ZFTA: variants seen among roughly 807,000 people sequenced by gnomAD.
The protein encoded by ZFTA is zinc finger translocation-associated protein.
In ZFTA, 35 loss-of-function variants were observed where a neutral mutation model predicts 41.8. The ratio of observed to expected loss-of-function variants is 0.84; its 90% confidence interval spans 0.64 to 1.11. The LOEUF (loss-of-function observed/expected upper bound fraction) is 1.11. Ranked by LOEUF, ZFTA falls within the 50% of genes most tolerant of loss-of-function variation. ZFTA has a pLI of 0.00. For synonymous variants in ZFTA, 514 were observed against 436.4 expected (o/e 1.18, Z -2.22); for missense variants, 964 against 989.8 (o/e 0.97, Z 0.35).
intron 1 of ZFTA, among the ~76,000 whole-genome samples, chr11:63,768,087 A>AC (rs1353117843): frequency 1.3e-5 from 2 of 152,080 alleles, no homozygotes; most frequent in African/African-American, 2.4e-5. Context: ...CCCGAAGGGG[A>AC]CCCAGGGTCT....
Position 63,763,391 on chromosome 11 carries a change from G to GACCCT in ZFTA, c.*26_*27insAGGGT. On this transcript the variant is annotated 3_prime_UTR_variant, in exon 5 of 5. Transcript: ENST00000433688. Reference sequence around the variant, plus strand: ...GGGCGGGGCCGATCCGACCCGACCCGACCTGACCCGGGGGCCCGCTAGGCC... The same window carrying GACCCT: ...GGGCGGGGCCGATCCGACCCGACCCGACCCTACCTGACCCGGGGGCCCGCTAGGCC... 7.9e-7 allele frequency: 1 copy of GACCCT among 1,264,252 alleles called. No individual in the cohort carries two copies. The highest frequency in any genetic ancestry group is 1.0e-6 in the Non-Finnish European group (1 of 1,001,244). 78.3% of individuals were successfully genotyped at this position (1,264,252 alleles called of 1,614,324 possible).
Position 63,766,160 on chromosome 11 carries a change from C to T in ZFTA, c.284G>A (p.Arg95His), listed in dbSNP as rs1467117652. The T allele has an allele frequency of 8.6e-6, 13 of 1,516,400 alleles. No homozygotes were observed. The highest frequency in any genetic ancestry group is 1.1e-5 in the Non-Finnish European group (12 of 1,130,822). The allele number at this position is 1,516,400 out of a possible 1,614,324, so 93.9% of individuals were successfully genotyped here. ...GCGCCGGTGGTCACGGCCAGGGATG[C>T]GGCTCTTTCCAGGCCTCGAGGCCCG... is the stretch of plus-strand genomic sequence containing the variant. ...EARASRPGKS[R>H]IPGRDHRRYY... is the part of the protein sequence containing the mutation. Residue 95 changes from arginine (R) to histidine (H), a missense_variant, in exon 2 of 5, where the codon CGC becomes CAC. Coordinates refer to ENST00000433688, the MANE Select transcript of ZFTA (RefSeq NM_001144936.2).
rs1172011239 is a variant in ZFTA at position 63,762,869 on chromosome 11, C to G, written c.*549G>C. 6.6e-6 allele frequency: 1 copy of G among 152,130 alleles called. No individual in the cohort carries two copies. The highest frequency in any genetic ancestry group is 1.9e-4 in the East Asian group (1 of 5,158). The allele number at this position is 152,130 out of a possible 1,614,324, so 9.4% of individuals were successfully genotyped here. On this transcript the variant is annotated 3_prime_UTR_variant, in exon 5 of 5. Coordinates refer to ENST00000433688, the MANE Select transcript of ZFTA (RefSeq NM_001144936.2). Reference sequence around the variant, plus strand: ...TGCGGCCCAGCCTCCCGCTGGAAGCCCCAGTCCGCAGCCGGGGCCTCCGAG... The same window carrying G: ...TGCGGCCCAGCCTCCCGCTGGAAGCGCCAGTCCGCAGCCGGGGCCTCCGAG...
At position 63,763,379 on chromosome 11, in the gene ZFTA, C is replaced by G. The variant is rs1216219265; in HGVS notation, c.*39G>C. The stretch of plus-strand genomic sequence containing the variant: ...GAGCACAGGGCGGGGCGGGGCCGAT[C>G]CGACCCGACCCGACCTGACCCGGGG... On this transcript the variant is annotated 3_prime_UTR_variant, in exon 5 of 5. Coordinates refer to ENST00000433688, the MANE Select transcript of ZFTA (RefSeq NM_001144936.2). The G allele has an allele frequency of 8.2e-7, 1 of 1,217,448 alleles. No individual in the cohort carries two copies. The highest frequency in any genetic ancestry group is 1.6e-5 in the African/African-American group (1 of 61,140). The allele number at this position is 1,217,448 out of a possible 1,614,324, so 75.4% of individuals were successfully genotyped here. A position where few individuals can be genotyped will look rare whatever the true frequency, so the allele number is the denominator to read the frequency against.
rs552076149 is a variant in ZFTA at position 63,764,304 on chromosome 11, C to A, written c.1319G>T (p.Gly440Val). Residue 440 changes from glycine (G) to valine (V), a missense_variant, in exon 4 of 5, where the codon GGG (glycine) becomes GTG (valine). This residue lies in a region of ZFTA where 584 missense variants were observed against 523.1 expected (regional missense o/e 1.12). Coordinates refer to ENST00000433688, the MANE Select transcript of ZFTA (RefSeq NM_001144936.2). ...CGAGGCCAGCGCGCCCCCGCACACC[C>A]CGCACACCAGGCCGCGCCGGCCGCC... ...LDGGRRGLVC[G>V]VCGGALASLK... 2 of 1,422,204 alleles carry A rather than the reference C, an allele frequency of 1.4e-6. No homozygotes were observed. Among genetic ancestry groups the A allele is most frequent in the South Asian group, 1.4e-5 (1 of 72,072 alleles). The allele number at this position is 1,422,204 out of a possible 1,614,324, so 88.1% of individuals were successfully genotyped here.
At chr11:63,766,354 AAG>A in intron 1 of ZFTA, 50 bp from the exon 2 acceptor site, 1 of 1,410,252 alleles carries the variant, frequency 7.1e-7, no homozygotes, top group East Asian at 2.7e-5. Context: ...TTTCCAGGGA[AAG>A]AGGCGAGGGC....
In ZFTA at chr11:63,765,731, T is replaced by A; in HGVS notation, c.637+76A>T. ...TGCCTTGCTCAAGAACACCAGCTCC[T>A]TGGCAGAGCAGCTGGCCCACTGTGC... On this transcript the variant is annotated intron_variant, in intron 2 of 4. Transcript: ENST00000433688. The surrounding 1 kb of genome is among the most constrained non-coding windows in gnomAD (Gnocchi z 4.0). The A allele has an allele frequency of 1.4e-6, 2 of 1,426,022 alleles. No individual in the cohort carries two copies. Among genetic ancestry groups the A allele is most frequent in the South Asian group, 3.0e-5 (2 of 66,028 alleles). 88.3% of individuals were successfully genotyped at this position (1,426,022 alleles called of 1,614,324 possible).
Position 63,761,680 on chromosome 11 carries a change from G to T in ZFTA, c.*1738C>A, listed in dbSNP as rs975789096. 3 of 152,322 alleles carry T rather than the reference G, an allele frequency of 2.0e-5. No homozygotes were observed. Among genetic ancestry groups the T allele is most frequent in the Non-Finnish European group, 4.4e-5 (3 of 68,132 alleles). 9.4% of individuals were successfully genotyped at this position (152,322 alleles called of 1,614,324 possible). On this transcript the variant is annotated 3_prime_UTR_variant, in exon 5 of 5. Coordinates refer to ENST00000433688, the MANE Select transcript of ZFTA (RefSeq NM_001144936.2). ...CAATTTACCTATCTGTGAAGGTGAG[G>T]AGGGTAGTACTAGTGATCTCCAGGG...
chr11:63,767,001 CAG>C (rs2014756602), intron 1 of ZFTA, among the ~76,000 whole-genome samples: 1 of 152,238 alleles, frequency 6.6e-6, no homozygotes, highest in Admixed American at 6.5e-5. Flanking sequence ...GGAGGGCCAC[CAG>C]AGTGACAACT....
chr11:63,767,810 C>A (rs1565060033), intron 1 of ZFTA, among the ~76,000 whole-genome samples: 1 of 150,574 alleles, frequency 6.6e-6, no homozygotes, highest in Non-Finnish European at 1.5e-5. Flanking sequence ...CAAATTAGGG[C>A]AAAAAAAAAT....
chr11:63,768,631 C>A lies in ZFTA; in HGVS notation c.-9G>T. 1.0e-6 allele frequency: 1 copy of A among 987,268 alleles called. No homozygotes were observed. The highest frequency in any genetic ancestry group is 4.7e-5 in the South Asian group (1 of 21,402). The allele number at this position is 987,268 out of a possible 1,614,324, so 61.2% of individuals were successfully genotyped here. ...TCCCCGCCGGGCTCCATGCGCTGCG[C>A]TGCGGAGCGGGGCCCCGGGGCGGCG... On this transcript the variant is annotated 5_prime_UTR_variant, in exon 1 of 5. Transcript: ENST00000433688.
At chr11:63,767,142 C>T (rs1186619863) in intron 1 of ZFTA, among the ~76,000 whole-genome samples, 3 of 152,194 alleles carry the variant, frequency 2.0e-5, no homozygotes, top group Non-Finnish European at 2.9e-5. Context: ...TGGAGAGGCC[C>T]CACTAACCCA....
At position 63,762,484 on chromosome 11, in the gene ZFTA, C is replaced by A. The variant is rs1263410488; in HGVS notation, c.*934G>T. The A allele has an allele frequency of 6.6e-6, 1 of 152,190 alleles. No homozygotes were observed. The highest frequency in any genetic ancestry group is 2.4e-5 in the African/African-American group (1 of 41,440). 9.4% of individuals were successfully genotyped at this position (152,190 alleles called of 1,614,324 possible). ...GGGGAAAAGAGGCCGAGGCCCGGCCCCAGGCCCTGCGGGTTGAGAACGGAC... is the reference window on the plus strand; with the variant it reads ...GGGGAAAAGAGGCCGAGGCCCGGCCACAGGCCCTGCGGGTTGAGAACGGAC... On this transcript the variant is annotated 3_prime_UTR_variant, in exon 5 of 5. Coordinates refer to ENST00000433688, the MANE Select transcript of ZFTA (RefSeq NM_001144936.2).
At chr11:63,764,724 G>T in intron 3 of ZFTA, 126 bp from the exon 4 acceptor site, 4 of 1,347,518 alleles carry the variant, frequency 3.0e-6, no homozygotes, top group Non-Finnish European at 3.8e-6. Context: ...GTCTCTGTCT[G>T]GGGGCAGGGG....
Position 63,766,272 on chromosome 11 carries a change from C to T in ZFTA, c.172G>A (p.Gly58Arg). ...QDLQLEGGALGSWGSAPLPSS... is the reference protein window; with the variant it reads ...QDLQLEGGALRSWGSAPLPSS... ...GGCAGGGGGGCACTCCCCCAGGACC[C>T]CAAGGCACCCCCTTCCAGCTGAAGA... The change falls in exon 2 of 5, where the codon GGG becomes AGG. Residue 58 changes from glycine (G) to arginine (R), a missense_variant. By Grantham distance (125) the Gly-to-Arg change is moderately radical. Around this residue, in one of 5 missense-constraint regions of ZFTA, gnomAD observed 111 missense variants for 93.2 expected, o/e 1.19. Coordinates refer to ENST00000433688, the MANE Select transcript of ZFTA (RefSeq NM_001144936.2). 6.8e-7 allele frequency: 1 copy of T among 1,469,306 alleles called. No homozygotes were observed. The highest frequency in any genetic ancestry group is 8.9e-7 in the Non-Finnish European group (1 of 1,117,442). 91.0% of individuals were successfully genotyped at this position (1,469,306 alleles called of 1,614,324 possible).
At position 63,763,484 on chromosome 11, in the gene ZFTA, C is replaced by G. The variant is rs1565057874; in HGVS notation, c.1971G>C (p.Gly657=). The change falls in exon 5 of 5, where the codon GGG becomes GGC. Residue 657 remains glycine, a synonymous_variant. Coordinates refer to ENST00000433688, the MANE Select transcript of ZFTA (RefSeq NM_001144936.2). ...ALRCYGHEGF[G]PPAPAPRDGG... ...CGTCACGCGGCGCCGGGGCGGGCGG[C>G]CCGAAGCCCTCGTGGCCGTAGCAGC... 6.6e-7 allele frequency: 1 copy of G among 1,522,120 alleles called. No individual in the cohort carries two copies. Among genetic ancestry groups the G allele is most frequent in the South Asian group, 1.2e-5 (1 of 81,760 alleles). The allele number at this position is 1,522,120 out of a possible 1,614,324, so 94.3% of individuals were successfully genotyped here.
At chr11:63,764,687 C>T in intron 3 of ZFTA, 89 bp from the exon 4 acceptor site, 1 of 1,327,512 alleles carries the variant, frequency 7.5e-7, no homozygotes, top group African/African-American at 1.5e-5. Context: ...GCTCCTCACC[C>T]CAGCCCCAAG....
rs1370363618 is a variant in ZFTA, at chr11:63,768,625, G to T, written c.-3C>A. The T allele has an allele frequency of 7.2e-5, 71 of 992,486 alleles. No homozygotes were observed. Among genetic ancestry groups the T allele is most frequent in the Non-Finnish European group, 8.1e-5 (68 of 836,866 alleles). 61.5% of individuals were successfully genotyped at this position (992,486 alleles called of 1,614,324 possible). A position where few individuals can be genotyped will look rare whatever the true frequency, so the allele number is the denominator to read the frequency against. Reference sequence around the variant, plus strand: ...CGGTGGTCCCCGCCGGGCTCCATGCGCTGCGCTGCGGAGCGGGGCCCCGGG... The same window carrying T: ...CGGTGGTCCCCGCCGGGCTCCATGCTCTGCGCTGCGGAGCGGGGCCCCGGG... On this transcript the variant is annotated 5_prime_UTR_variant, in exon 1 of 5. Transcript: ENST00000433688.
Position 63,768,495 on chromosome 11 carries a change from T to C in ZFTA, c.128A>G (p.Glu43Gly). 1.7e-6 allele frequency: 2 copies of C among 1,203,412 alleles called. No homozygotes were observed. Among genetic ancestry groups the C allele is most frequent in the Admixed American group, 3.8e-5 (1 of 26,644 alleles). 74.5% of individuals were successfully genotyped at this position (1,203,412 alleles called of 1,614,324 possible). Residue 43 changes from glutamate (E) to glycine (G), a missense_variant, in exon 1 of 5, where the codon GAA becomes GGA. Glu to Gly is a moderately conservative substitution (Grantham distance 98). Around this residue, in one of 5 missense-constraint regions of ZFTA, gnomAD observed 111 missense variants for 93.2 expected, o/e 1.19. Coordinates refer to ENST00000433688, the MANE Select transcript of ZFTA (RefSeq NM_001144936.2). ...AGSSGSAEPE[E>G]DEGGQDLQLE... ...GCCCCAGCTCTTACCGCCTTCGTCT[T>C]CCTCTGGCTCCGCGCTGCCGCTCGA...
Sources: gnomAD v4.1 joint callset for allele counts (sites outside exome capture counted in the v4.1 genomes callset) on GRCh38, gnomAD v4.1.1 for gene constraint, gnomAD v4.1.1 regional missense constraint, Gnocchi (gnomAD v3.1) non-coding constraint, MANE v1.5 for transcripts, NCBI Gene and HGNC (gene_info 2026-07-23, HGNC 2026-07-21) for gene names.